Variants in ZNF607 observed in about 807,000 individuals in gnomAD.
The protein encoded by ZNF607 is zinc finger protein 607.
Under a neutral mutation model 12.8 loss-of-function variants are expected in ZNF607, and 5 were observed. The observed-to-expected ratio is 0.39, with a 90% CI of 0.20 to 0.82. The LOEUF (loss-of-function observed/expected upper bound fraction) is 0.82, where lower values mean the gene tolerates loss of function less well. ZNF607 is among the 40% of genes least tolerant of loss of function. The pLI is 0.39. For synonymous variants in ZNF607, 287 were observed against 276.2 expected, an observed-to-expected ratio of 1.04 and a Z score of -0.39; for missense variants, 851 against 859.2, an observed-to-expected ratio of 0.99 and a Z score of 0.12.
intron 4 of ZNF607, among the ~76,000 whole-genome samples, chr19:37,701,525 T>C (rs954107316): frequency 2.0e-5 from 3 of 152,142 alleles, no homozygotes; most frequent in Non-Finnish European, 4.4e-5. Context: ...CCCTAGCCAA[T>C]AGGGGAACGA....
At chr19:37,701,643 G>C (rs761067684) in intron 4 of ZNF607, among the ~76,000 whole-genome samples, 17 of 152,254 alleles carry the variant, frequency 1.1e-4, no homozygotes, top group Non-Finnish European at 1.8e-4. Flanking sequence ...TTCTATACAA[G>C]TACCTTACCT....
intron 1 of ZNF607, among the ~76,000 whole-genome samples, chr19:37,712,787 A>C (rs1236637193): frequency 6.6e-6 from 1 of 152,168 alleles, no homozygotes; most frequent in Non-Finnish European, 1.5e-5. Flanking sequence ...TGGGAATTTC[A>C]ACAAAATTAT....
At chr19:37,715,691 C>T (rs1386003474) in intron 1 of ZNF607, among the ~76,000 whole-genome samples, 1 of 151,782 alleles carries the variant, frequency 6.6e-6, no homozygotes, top group African/African-American at 2.4e-5. Context: ...AGGAAGATAC[C>T]ACTCAGCCTC....
At chr19:37,718,270 A>C (rs2045194840) in intron 1 of ZNF607, among the ~76,000 whole-genome samples, 1 of 152,144 alleles carries the variant, frequency 6.6e-6, no homozygotes, top group African/African-American at 2.4e-5. Flanking sequence ...CACTTCCTTC[A>C]CATCACGGCT....
chr19:37,715,551 G>A (rs922597168), intron 1 of ZNF607, among the ~76,000 whole-genome samples: 10 of 151,352 alleles, frequency 6.6e-5, no homozygotes, highest in African/African-American at 2.4e-4. Flanking sequence ...GTTGCAGTGA[G>A]CTGAGATCAT....
At chr19:37,708,087 A>C in intron 3 of ZNF607, 75 bp from the exon 4 acceptor site, 1 of 1,194,286 alleles carries the variant, frequency 8.4e-7, no homozygotes, top group Non-Finnish European at 1.2e-6. Context: ...AATTGCAATA[A>C]ATGAAAGGTC....
rs771201625 is a variant in ZNF607 at position 37,699,556 on chromosome 19, T to C, written c.575A>G (p.His192Arg). ...TTTACATTCATAGGGTTTCTCAACATGAACTTTCCCATGTTGAGCAAGGTT... is the reference window on the plus strand; with the variant it reads ...TTTACATTCATAGGGTTTCTCAACACGAACTTTCCCATGTTGAGCAAGGTT... ...PANLAQHGKVHVEKPYECKEC... is the reference protein window; with the variant it reads ...PANLAQHGKVRVEKPYECKEC... The change falls in exon 5 of 5, where the codon CAT (histidine) becomes CGT (arginine). Residue 192 changes from histidine (H) to arginine (R), a missense_variant. By Grantham distance (29) the His-to-Arg change is conservative (BLOSUM62 0). Coordinates refer to ENST00000355202, the MANE Select transcript of ZNF607 (RefSeq NM_032689.5). The C allele has an allele frequency of 6.2e-7, 1 of 1,614,096 alleles. No individual in the cohort carries two copies. Among genetic ancestry groups the C allele is most frequent in the Non-Finnish European group, 8.5e-7 (1 of 1,180,020 alleles).
At chr19:37,700,363 A>G (rs1237956860) in intron 4 of ZNF607, among the ~76,000 whole-genome samples, 1 of 152,224 alleles carries the variant, frequency 6.6e-6, no homozygotes. Context: ...TAGGACCAGA[A>G]GTAATAAGAA....
In ZNF607 at chr19:37,696,641, C is replaced by T. The variant is rs144374307; in HGVS notation, c.*1399G>A. On this transcript the variant is annotated 3_prime_UTR_variant, in exon 5 of 5. Transcript: ENST00000355202. The stretch of plus-strand genomic sequence containing the variant: ...CCTCACTAGGGCAGCTGGAGGAGCA[C>T]GGACTGCCCTGCCGGCAGGCAGGTG... The T allele has an allele frequency of 3.4e-3, 2,158 of 642,072 alleles. 30 individuals are homozygous for T. In the African/African-American group the frequency reaches 0.034, roughly 10 times the overall value. 39.8% of individuals were successfully genotyped at this position (642,072 alleles called of 1,614,324 possible).
chr19:37,701,195 AGAAAG>A (rs1326906784), intron 4 of ZNF607, among the ~76,000 whole-genome samples: 3 of 152,360 alleles, frequency 2.0e-5, no homozygotes, highest in African/African-American at 7.2e-5. Context: ...AATTAAAAAA[AGAAAG>A]GAAGTCTTCA....
chr19:37,711,972 G>A (rs1387569501), intron 1 of ZNF607, among the ~76,000 whole-genome samples: 4 of 152,166 alleles, frequency 2.6e-5, no homozygotes, highest in Admixed American at 6.5e-5. Context: ...TGAGGCAGAT[G>A]GGGACCTCAG....
chr19:37,714,586 T>C (rs929227912), intron 1 of ZNF607, among the ~76,000 whole-genome samples: 9 of 138,140 alleles, frequency 6.5e-5, no homozygotes, highest in Non-Finnish European at 1.4e-4. Flanking sequence ...AAAAAAAAAG[T>C]ATGCAAAAAT....
intron 2 of ZNF607, among the ~76,000 whole-genome samples, chr19:37,710,305 A>G (rs925333733): frequency 3.9e-5 from 6 of 151,994 alleles, no homozygotes; most frequent in African/African-American, 1.4e-4. Flanking sequence ...TCTCTACTAA[A>G]AAAACCACAA....
chr19:37,716,181 G>T (rs918158729), intron 1 of ZNF607, among the ~76,000 whole-genome samples: 1 of 152,080 alleles, frequency 6.6e-6, no homozygotes, highest in Non-Finnish European at 1.5e-5. Context: ...ACAAAATAGC[G>T]TAAGAGCTCC....
rs998282906 is a variant in ZNF607 at position 37,708,030 on chromosome 19, T to A, written c.137-18A>T. 12 of 1,586,298 alleles carry A rather than the reference T, an allele frequency of 7.6e-6. No individual in the cohort carries two copies. In the African/African-American group the frequency reaches 1.4e-4, roughly 18 times the overall value. On this transcript the variant is annotated intron_variant, in intron 3 of 4. Coordinates refer to ENST00000355202, the MANE Select transcript of ZNF607 (RefSeq NM_032689.5). ...ATGTCCTGCTTACAAAGAAAAGAAG[T>A]GCCACAAAATACGGAAATCAACTTT...
chr19:37,698,245 GCACAGTGAAATGCCTTCC>G lies in ZNF607; in HGVS notation c.1868_1885del (p.Gly623_Cys628del). 6.2e-7 allele frequency: 1 copy of G among 1,614,128 alleles called. No homozygotes were observed. Among genetic ancestry groups the G allele is most frequent in the Middle Eastern group, 1.6e-4 (1 of 6,062 alleles). Reference sequence around the variant, plus strand: ...GCTTTCATGTCTAACAAGATATGAGGCACAGTGAAATGCCTTCCCACATCTTTTACATTCATAGGGTTT... The same window carrying G: ...GCTTTCATGTCTAACAAGATATGAGGCACATCTTTTACATTCATAGGGTTT... On this transcript the variant is annotated inframe_deletion, in exon 5 of 5. Transcript: ENST00000355202.
chr19:37,713,584 C>T (rs1234267592), intron 1 of ZNF607, among the ~76,000 whole-genome samples: 1 of 151,874 alleles, frequency 6.6e-6, no homozygotes, highest in Non-Finnish European at 1.5e-5. Flanking sequence ...GGATTACAGG[C>T]ACCTGCCACC....
At chr19:37,703,455 A>C (rs763529645) in intron 4 of ZNF607, among the ~76,000 whole-genome samples, 2 of 152,146 alleles carry the variant, frequency 1.3e-5, no homozygotes, top group African/African-American at 2.4e-5. Flanking sequence ...ATCACCTCAC[A>C]CCCATCAGGA....
In ZNF607 at chr19:37,711,610, A is replaced by G. The variant is rs770360956; in HGVS notation, c.9T>C (p.Tyr3=). 1.9e-6 allele frequency: 3 copies of G among 1,613,942 alleles called. No individual in the cohort carries two copies. In the South Asian group the frequency reaches 3.3e-5, roughly 18 times the overall value. The part of the protein sequence containing the change: MS[Y]GSITFGDVAI... ...CACATGGCGAGAAATATCAACTTAC[A>G]TAGGACATGGTTTGAGACTGGCAAG... The change falls in exon 2 of 5, where the codon TAT becomes TAC. Residue 3 remains tyrosine (Y), a splice_region_variant and synonymous_variant. Coordinates refer to ENST00000355202, the MANE Select transcript of ZNF607 (RefSeq NM_032689.5).
Sources: allele counts gnomAD v4.1 joint callset (sites outside exome capture counted in the v4.1 genomes callset), GRCh38; gene constraint gnomAD v4.1.1; transcripts MANE v1.5; gene names NCBI Gene and HGNC (gene_info 2026-07-23, HGNC 2026-07-21).